PLCH2: variants seen among roughly 807,000 people sequenced by gnomAD.
PLCH2 encodes 1-phosphatidylinositol 4,5-bisphosphate phosphodiesterase eta-2.
In PLCH2, 98 loss-of-function variants were observed where a neutral mutation model predicts 134.7. The observed-to-expected ratio is 0.73, with a 90% CI of 0.62 to 0.86. The LOEUF (loss-of-function observed/expected upper bound fraction) is 0.86, where lower values mean the gene tolerates loss of function less well. Among genes scored for constraint, PLCH2 ranks in the 40% least tolerant of loss-of-function variants. The pLI is 0.00. For synonymous variants in PLCH2, 974 were observed against 827.5 expected (o/e 1.18, Z -3.04); for missense variants, 1,994 against 1,986.6 (o/e 1.00, Z -0.07).
At chr1:2,494,831 G>A (rs1220504699) in intron 11 of PLCH2, 25 bp from the exon 12 acceptor site, 3 of 1,542,034 alleles carry the variant, frequency 1.9e-6, no homozygotes, top group Non-Finnish European at 2.7e-6. Flanking sequence ...GACTCACCTT[G>A]TCCCTGTCTC....
upstream of PLCH2, among the ~76,000 whole-genome samples, chr1:2,472,105 G>A (rs924528861): frequency 3.9e-5 from 6 of 152,298 alleles, no homozygotes; most frequent in Admixed American, 3.3e-4. Context: ...CTCCTAGCAC[G>A]ACCACTCTGG....
Position 2,491,233 on chromosome 1 carries a change from G to A in PLCH2, c.1557G>A (p.Arg519=), listed in dbSNP as rs546254918. Residue 519 remains arginine (R), a synonymous_variant, in exon 11 of 22, where the codon AGG becomes AGA. Transcript: ENST00000378486. ...NRKRVENTAK[R]KLDSLIKESK... Reference sequence around the variant, plus strand: ...AGCGTGTAGAAAACACTGCTAAGAGGAAACTGGATTCCCTCATCAAAGAGT... The same window carrying A: ...AGCGTGTAGAAAACACTGCTAAGAGAAAACTGGATTCCCTCATCAAAGAGT... The A allele has an allele frequency of 6.8e-5, 109 of 1,613,240 alleles. 1 individual carries two copies. In the Admixed American group the frequency reaches 1.8e-3, roughly 26 times the overall value.
chr1:2,470,664 C>A lies in PLCH2; in HGVS notation c.43+3002C>A, dbSNP rs530807388. ...GCGGCCCAGCTGCCACCCTCCCTCC[C>A]GCGCCTGGCTATGGGCTGGGGGCAG... On this transcript the variant is annotated intron_variant, in intron 1 of 21. Coordinates refer to the PLCH2 transcript ENST00000449969. Among the ~76,000 whole-genome samples the A allele has an allele frequency of 2.0e-5, 3 of 152,340 alleles. No homozygotes were observed. The East Asian group carries it at 5.8e-4, about 29-fold the overall frequency.
At chr1:2,420,012 CT>C in the PLCH2 span, among the ~76,000 whole-genome samples, 1 of 151,686 alleles carries the variant, frequency 6.6e-6, no homozygotes, top group Admixed American at 6.6e-5. Context: ...CCACTACCCC[CT>C]CCTGTGCTGC....
chr1:2,465,849 T>C (rs2100602496), upstream of PLCH2, among the ~76,000 whole-genome samples: 1 of 152,200 alleles, frequency 6.6e-6, no homozygotes, highest in East Asian at 1.9e-4. Context: ...CTCAGGGGCC[T>C]CTGTCCACTC....
intron 21 of PLCH2, chr1:2,502,991 TGGAC>T (rs1244626228): frequency 7.0e-6 from 5 of 716,560 alleles, no homozygotes; most frequent in Non-Finnish European, 1.3e-5. Context: ...TGCTTCTGCG[TGGAC>T]GGTGTCGCCT....
exon 1 of PLCH2, chr1:2,467,593 G>A (rs1400899920): frequency 7.3e-6 from 3 of 408,600 alleles, no homozygotes; most frequent in East Asian, 3.6e-5. Context: ...GGGCCGTGCC[G>A]GTAACTGGGA....
chr1:2,467,696 G>A (rs1409095827), intron 1 of PLCH2: 4 of 405,686 alleles, frequency 9.9e-6, no homozygotes, highest in Non-Finnish European at 1.8e-5. Flanking sequence ...GAAGGGGGTT[G>A]TGATGGTCCC....
At chr1:2,452,186 C>T (rs1024963237) in intron 2 of PLCH2, among the ~76,000 whole-genome samples, 2 of 152,150 alleles carry the variant, frequency 1.3e-5, no homozygotes, top group Admixed American at 6.5e-5. Context: ...TGCAGAAGGA[C>T]GGTGGAGGCT....
At chr1:2,479,652 T>C (rs749257103) in intron 2 of PLCH2, 82 bp from the exon 3 acceptor site, 5 of 1,419,982 alleles carry the variant, frequency 3.5e-6, no homozygotes, top group African/African-American at 2.9e-5. Flanking sequence ...CCCGGCTGCT[T>C]GGTCTCCGCA....
At chr1:2,472,226 C>T (rs1435115112), upstream of PLCH2, among the ~76,000 whole-genome samples, 13 of 152,320 alleles carry the variant, frequency 8.5e-5, no homozygotes, top group East Asian at 9.6e-4. Flanking sequence ...TTCTCTCAGA[C>T]GTTTAAATAA....
At chr1:2,479,042 C>G in intron 2 of PLCH2, 1 of 193,826 alleles carries the variant, frequency 5.2e-6, no homozygotes, top group South Asian at 1.4e-4. Flanking sequence ...GCAGGGGCCA[C>G]CCGAGATGGA....
chr1:2,430,981 T>C (rs1403115805), intron 2 of PLCH2, among the ~76,000 whole-genome samples: 1 of 152,182 alleles, frequency 6.6e-6, no homozygotes, highest in Non-Finnish European at 1.5e-5. Context: ...TCCTTCTTGG[T>C]CGTGTTGTCA....
At chr1:2,484,301 G>A in intron 4 of PLCH2, 147 bp from the exon 5 acceptor site, 1 of 753,270 alleles carries the variant, frequency 1.3e-6, no homozygotes, top group Middle Eastern at 3.3e-4. Context: ...CCTGGGGAGT[G>A]ATTGGAGGCC....
At chr1:2,442,271 A>G (rs1331274963) in intron 2 of PLCH2, among the ~76,000 whole-genome samples, 1 of 152,158 alleles carries the variant, frequency 6.6e-6, no homozygotes, top group East Asian at 1.9e-4. Context: ...GGGGAGACTG[A>G]GGCCTCTCGT....
chr1:2,447,519 G>C (rs532581444), intron 2 of PLCH2, among the ~76,000 whole-genome samples: 1 of 152,220 alleles, frequency 6.6e-6, no homozygotes, highest in African/African-American at 2.4e-5. Flanking sequence ...GGGAGGCCCC[G>C]TGTTGAGGGC....
upstream of PLCH2, among the ~76,000 whole-genome samples, chr1:2,473,253 CG>C (rs1386707767): frequency 2.6e-5 from 4 of 152,196 alleles, no homozygotes; most frequent in Non-Finnish European, 4.4e-5. Context: ...AACCCAAGGT[CG>C]GGGGGCAGGC....
At chr1:2,499,751 T>C (rs1174010218) in intron 20 of PLCH2, 31 bp downstream of exon 20, 1 of 1,504,198 alleles carries the variant, frequency 6.6e-7, no homozygotes, top group African/African-American at 1.4e-5. Flanking sequence ...CCAGCCATCA[T>C]GGGGAGGGGC....
rs1640690711 is a variant in PLCH2 at position 2,459,521 on chromosome 1, CTGGTGGTCCTCCTTCCT to C, written c.116-18954_116-18938del. On this transcript the variant is annotated intron_variant, in intron 2 of 3. Transcript: ENST00000609981. ...TCCTCCTTCCTGGTGGTCCTCCTTC[CTGGTGGTCCTCCTTCCT>C]GGTGGTCCTCCTTCCTGGTGGTCCT... Among the ~76,000 whole-genome samples the C allele has an allele frequency of 2.7e-4, 35 of 131,796 alleles. 4 individuals carry two copies. The highest frequency in any genetic ancestry group is 8.7e-4 in the South Asian group (3 of 3,468). The allele number at this position is 131,796 out of a possible 152,430, so 86.5% of individuals were successfully genotyped here.
Sources: allele counts gnomAD v4.1 joint callset (sites outside exome capture counted in the v4.1 genomes callset), GRCh38; gene constraint gnomAD v4.1.1; transcripts MANE v1.5; gene names NCBI Gene and HGNC (gene_info 2026-07-23, HGNC 2026-07-21).